The following NFATC2 variants were observed in gnomAD, a reference collection of about 807,000 sequenced individuals.
The protein encoded by NFATC2 is nuclear factor of activated T-cells, cytoplasmic 2.
Under a neutral mutation model 87.3 loss-of-function variants are expected in NFATC2, and 22 were observed. That is an observed-to-expected ratio of 0.25 (90% CI 0.18 to 0.36). The LOEUF is 0.36. NFATC2 is among the 10% of genes least tolerant of loss of function. The pLI is 1.00. For missense variants in NFATC2, 1,149 were observed against 1,259.1 expected, an observed-to-expected ratio of 0.91 and a Z score of 1.32; for synonymous variants, 565 against 542.2, an observed-to-expected ratio of 1.04 and a Z score of -0.58.
intron 2 of NFATC2, among the ~76,000 whole-genome samples, chr20:51,522,596 CAT>C (rs968185704): frequency 6.7e-6 from 1 of 150,174 alleles, no homozygotes; most frequent in Non-Finnish European, 1.5e-5. Flanking sequence ...TTAGGTCCTC[CAT>C]ATAACTGCGG....
intron 3 of NFATC2, among the ~76,000 whole-genome samples, chr20:51,508,250 G>A (rs564476534): frequency 2.6e-5 from 4 of 152,154 alleles, no homozygotes; most frequent in Admixed American, 6.5e-5. Flanking sequence ...CAGGCGGGCC[G>A]GTCTCACCAC....
At chr20:51,561,480 AAAGAAAGCAAGCAAGC>A (rs1468493023) in intron 1 of NFATC2, among the ~76,000 whole-genome samples, 1,762 of 110,790 alleles carry the variant, frequency 0.016, 13 homozygotes, top group African/African-American at 0.019. Context: ...AGAAAGAAAG[AAAGAAAGCAAGCAAGC>A]AAGCAAGCAA....
intron 9 of NFATC2, among the ~76,000 whole-genome samples, chr20:51,408,511 TTAAAAAAAAA>T (rs1978699736): frequency 8.0e-6 from 1 of 125,348 alleles, no homozygotes; most frequent in Non-Finnish European, 1.6e-5. Context: ...AAGACTCTTT[TTAAAAAAAAA>T]AAAAAAAAAA....
intron 3 of NFATC2, among the ~76,000 whole-genome samples, chr20:51,509,140 G>T (rs1448641009): frequency 6.6e-6 from 1 of 151,994 alleles, no homozygotes; most frequent in East Asian, 1.9e-4. Flanking sequence ...TTCCACGTGG[G>T]CACCTCCTTC....
Position 51,556,510 on chromosome 20 carries a change from G to A in NFATC2, c.70+6050C>T, listed in dbSNP as rs578217739. ...ATGCTCTGTATCTGCCTCATTCACC[G>A]CTGAATCCCCAGCATCTTGGAAAGT... On this transcript the variant is annotated intron_variant, in intron 1 of 10. Coordinates refer to the NFATC2 transcript ENST00000414705. 2.6e-5 allele frequency among the ~76,000 whole-genome samples: 4 copies of A among 152,212 alleles called. No individual in the cohort carries two copies. The South Asian group carries it at 8.3e-4, about 32-fold the overall frequency.
At position 51,510,109 on chromosome 20, in the gene NFATC2, A is replaced by G. The variant is rs137924520; in HGVS notation, c.1332+6675T>C. ...CGTTCTCATATTTTGATCACTCCCT[A>G]AAAGGATGGCGTTCTGATTATTCTT... On this transcript the variant is annotated intron_variant, in intron 3 of 10. Transcript: ENST00000371564. Among the ~76,000 whole-genome samples, 44 of 152,330 alleles carry G rather than the reference A, an allele frequency of 2.9e-4. No homozygotes were observed. In the East Asian group the frequency reaches 8.5e-3, roughly 29 times the overall value.
chr20:51,392,259 G>T (rs970586614), intron 10 of NFATC2, among the ~76,000 whole-genome samples: 1 of 152,200 alleles, frequency 6.6e-6, no homozygotes, highest in Non-Finnish European at 1.5e-5. Flanking sequence ...CATAAACATA[G>T]TTTCCATTTC....
rs1986062572 is a variant in NFATC2, at chr20:51,389,078, A to T, written c.*2418T>A. ...TTCTCTTTCCTTTGCGATTTGTTAC[A>T]GTTGTTTATGAAAGTGCTTCCTATA... is the stretch of plus-strand genomic sequence containing the variant. On this transcript the variant is annotated 3_prime_UTR_variant, in exon 11 of 11. Coordinates refer to ENST00000371564, the MANE Select transcript of NFATC2 (RefSeq NM_012340.5). 1.3e-5 allele frequency: 2 copies of T among 152,186 alleles called. No individual in the cohort carries two copies. Among genetic ancestry groups the T allele is most frequent in the Admixed American group, 6.5e-5 (1 of 15,270 alleles). The allele number at this position is 152,186 out of a possible 1,614,324, so 9.4% of individuals were successfully genotyped here.
chr20:51,485,081 CGCTCACTCAAGAGAGACTTGATG>C (rs1357709231), intron 3 of NFATC2, among the ~76,000 whole-genome samples: 1 of 152,246 alleles, frequency 6.6e-6, no homozygotes, highest in Non-Finnish European at 1.5e-5. Context: ...ATAGCAAGCA[CGCTCACTCAAGAGAGACTTGATG>C]GCCCGAAACA....
rs73913461 is a variant in NFATC2 at position 51,522,809 on chromosome 20, G to C, written c.1160+272C>G. Among the ~76,000 whole-genome samples the C allele has an allele frequency of 9.3e-3, 1,409 of 152,168 alleles. 23 individuals are homozygous for C. The highest frequency in any genetic ancestry group is 0.032 in the African/African-American group (1,335 of 41,516). On this transcript the variant is annotated intron_variant, in intron 2 of 10. Coordinates refer to ENST00000371564, the MANE Select transcript of NFATC2 (RefSeq NM_012340.5). The stretch of plus-strand genomic sequence containing the variant: ...GAAAAACACTTTTTGAATAAACCAG[G>C]TGCCATATGAGCAATTACATTTATC...
At chr20:51,526,153 T>C (rs1363113199) in intron 1 of NFATC2, among the ~76,000 whole-genome samples, 2 of 152,048 alleles carry the variant, frequency 1.3e-5, no homozygotes, top group African/African-American at 4.8e-5. Flanking sequence ...TGCCATCTTT[T>C]CTCCACTGAC....
chr20:51,430,698 C>G (rs143961358), intron 9 of NFATC2, among the ~76,000 whole-genome samples: 458 of 152,278 alleles, frequency 3.0e-3, no homozygotes, highest in African/African-American at 0.01. Flanking sequence ...GATAACCTGG[C>G]TTGTCAAGAC....
chr20:51,411,781 G>A (rs1037550242), intron 9 of NFATC2, among the ~76,000 whole-genome samples: 3 of 151,990 alleles, frequency 2.0e-5, no homozygotes, highest in Non-Finnish European at 4.4e-5. Context: ...ACCTGCCTTG[G>A]CCTCCCAAAG....
In NFATC2 at chr20:51,480,051, G is replaced by A. The variant is rs2146535474; in HGVS notation, c.1333-4391C>T. Among the ~76,000 whole-genome samples the A allele has an allele frequency of 6.6e-6, 1 of 152,218 alleles. No individual in the cohort carries two copies. The highest frequency in any genetic ancestry group is 2.1e-4 in the South Asian group (1 of 4,818). On this transcript the variant is annotated intron_variant, in intron 3 of 10. Coordinates refer to ENST00000371564, the MANE Select transcript of NFATC2 (RefSeq NM_012340.5). The surrounding 1 kb of genome is among the most constrained non-coding windows in gnomAD (Gnocchi z 4.2). The stretch of plus-strand genomic sequence containing the variant: ...GCCTGTAATCCCAGCACTTTGGGAG[G>A]CTGAGGTGGGCAGATCACTTGACGT...
At chr20:51,453,817 T>C (rs1042113175) in intron 6 of NFATC2, among the ~76,000 whole-genome samples, 2 of 152,238 alleles carry the variant, frequency 1.3e-5, no homozygotes, top group Non-Finnish European at 2.9e-5. Context: ...TGATGGCAAC[T>C]TCAATTTGTA....
At chr20:51,503,059 C>T (rs1289982500) in intron 3 of NFATC2, among the ~76,000 whole-genome samples, 1 of 152,104 alleles carries the variant, frequency 6.6e-6, no homozygotes, top group Non-Finnish European at 1.5e-5. Flanking sequence ...CTGATAATGA[C>T]GGCAACAAAG....
At chr20:51,506,439 A>G (rs1211015441) in intron 3 of NFATC2, among the ~76,000 whole-genome samples, 1 of 152,194 alleles carries the variant, frequency 6.6e-6, no homozygotes, top group Non-Finnish European at 1.5e-5. Context: ...AATGTCTCCC[A>G]GGATCCAGAG....
At chr20:51,424,946 AATCTTCCATATGACAATGCTTTGTG>A (rs1981548068) in intron 9 of NFATC2, among the ~76,000 whole-genome samples, 3 of 152,080 alleles carry the variant, frequency 2.0e-5, no homozygotes, top group Admixed American at 2.0e-4. Context: ...TGTTGAAAAA[AATCTTCCATATGACAATGCTTTGTG>A]GCCCTGCAAA....
chr20:51,487,297 G>A (rs1989791605), intron 3 of NFATC2, among the ~76,000 whole-genome samples: 1 of 152,190 alleles, frequency 6.6e-6, no homozygotes, highest in African/African-American at 2.4e-5. Context: ...ATGCTGGGAT[G>A]GCAGCCGCTT....
Sources: gnomAD v4.1 joint callset for allele counts (sites outside exome capture counted in the v4.1 genomes callset) on GRCh38, gnomAD v4.1.1 for gene constraint, Gnocchi (gnomAD v3.1) non-coding constraint, MANE v1.5 for transcripts, NCBI Gene and HGNC (gene_info 2026-07-23, HGNC 2026-07-21) for gene names.